The following PSENEN variants were observed in gnomAD, a reference collection of about 807,000 sequenced individuals.
PSENEN encodes gamma-secretase subunit PEN-2.
In PSENEN, 4 loss-of-function variants were observed where a neutral mutation model predicts 15.4. The ratio of observed to expected loss-of-function variants is 0.26; its 90% CI spans 0.13 to 0.59. The LOEUF is 0.59. Among genes scored for constraint, PSENEN ranks in the 20% least tolerant of loss-of-function variants. The probability of loss-of-function intolerance (pLI) is 0.89; values close to 1 mark genes in which losing one functional copy is unlikely to be tolerated. For synonymous variants in PSENEN, 42 were observed against 46.5 expected (o/e 0.90, Z 0.39); for missense variants, 112 against 120.3 (o/e 0.93, Z 0.32).
In PSENEN at chr19:35,746,426, T is replaced by G; in HGVS notation, c.69T>G (p.Phe23Leu). ...GTTTTTCTTTCTCCCTAGGGGGGTTTGCTTTCCTGCCTTTTCTCTGGTTGG... is the reference window on the plus strand; with the variant it reads ...GTTTTTCTTTCTCCCTAGGGGGGTTGGCTTTCCTGCCTTTTCTCTGGTTGG... ...NLCRKYYLGG[F>L]AFLPFLWLVN... Residue 23 changes from phenylalanine to leucine, a missense_variant, in exon 3 of 4, where the codon TTT (phenylalanine) becomes TTG (leucine). Coordinates refer to ENST00000587708, the MANE Select transcript of PSENEN (RefSeq NM_172341.4). 6.2e-7 allele frequency: 1 copy of G among 1,613,536 alleles called. No homozygotes were observed. The highest frequency in any genetic ancestry group is 1.3e-5 in the African/African-American group (1 of 75,028).
intron 2 of PSENEN, 125 bp from the exon 3 acceptor site, chr19:35,746,294 G>C: frequency 1.1e-6 from 1 of 874,174 alleles, no homozygotes; most frequent in Non-Finnish European, 1.9e-6. Flanking sequence ...CCTGACAACA[G>C]AAATCTCCAT....
chr19:35,745,883 T>A lies in PSENEN; in HGVS notation c.-48T>A. 2 of 1,572,288 alleles carry A rather than the reference T, an allele frequency of 1.3e-6. No homozygotes were observed. The highest frequency in any genetic ancestry group is 1.3e-5 in the African/African-American group (1 of 74,250). ...GCATCTGTTACTTAGGGTCAAGGCT[T>A]GGGTCTTGCCCCGCAGACCCTTGGG... On this transcript the variant is annotated 5_prime_UTR_variant, in exon 2 of 4. Transcript: ENST00000587708.
chr19:35,747,213 CTTTTTCT>C lies in PSENEN; in HGVS notation c.*379_*385del, dbSNP rs992424471. 10 of 152,700 alleles carry C rather than the reference CTTTTTCT, an allele frequency of 6.5e-5. No homozygotes were observed. The highest frequency in any genetic ancestry group is 3.2e-3 in the Middle Eastern group (1 of 310). 9.5% of individuals were successfully genotyped at this position (152,700 alleles called of 1,614,324 possible). A position where few individuals can be genotyped will look rare whatever the true frequency, so the allele number is the denominator to read the frequency against. On this transcript the variant is annotated 3_prime_UTR_variant, in exon 4 of 4. Coordinates refer to ENST00000587708, the MANE Select transcript of PSENEN (RefSeq NM_172341.4). ...TAAGAAAGGAATAGTGCTTCCATTT[CTTTTTCT>C]TTTTTCTTTTTTTTTTTTTTTTTTG...
intron 2 of PSENEN, 110 bp downstream of exon 2, chr19:35,746,101 C>T (rs1049537923): frequency 5.4e-6 from 6 of 1,111,414 alleles, no homozygotes; most frequent in Non-Finnish European, 8.1e-6. Flanking sequence ...GAAGGACCTG[C>T]GAACGCCGAC....
rs1970599416 is a variant in PSENEN at position 35,747,081 on chromosome 19, G to A, written c.*234G>A. 1 of 484,714 alleles carries A rather than the reference G, an allele frequency of 2.1e-6. No individual in the cohort carries two copies. Among genetic ancestry groups the A allele is most frequent in the African/African-American group, 2.0e-5 (1 of 51,098 alleles). The allele number at this position is 484,714 out of a possible 1,614,324, so 30.0% of individuals were successfully genotyped here. Reference sequence around the variant, plus strand: ...TTTAAAAACATCTGTTGAGAGCTTTGTACGAGGCTTAGTATTTAGACATGA... The same window carrying A: ...TTTAAAAACATCTGTTGAGAGCTTTATACGAGGCTTAGTATTTAGACATGA... On this transcript the variant is annotated 3_prime_UTR_variant, in exon 4 of 4. Coordinates refer to ENST00000587708, the MANE Select transcript of PSENEN (RefSeq NM_172341.4).
chr19:35,746,926 C>T lies in PSENEN; in HGVS notation c.*79C>T. On this transcript the variant is annotated 3_prime_UTR_variant, in exon 4 of 4. Coordinates refer to ENST00000587708, the MANE Select transcript of PSENEN (RefSeq NM_172341.4). Reference sequence around the variant, plus strand: ...AGCAGAGGAGCCTGTCCTGGGAGCCCCTTCTCAAACTCCTAAGACTTGTTT... The same window carrying T: ...AGCAGAGGAGCCTGTCCTGGGAGCCTCTTCTCAAACTCCTAAGACTTGTTT... 1 of 1,430,364 alleles carries T rather than the reference C, an allele frequency of 7.0e-7. No homozygotes were observed. Among genetic ancestry groups the T allele is most frequent in the East Asian group, 2.4e-5 (1 of 42,426 alleles). The allele number at this position is 1,430,364 out of a possible 1,614,324, so 88.6% of individuals were successfully genotyped here. A position where few individuals can be genotyped will look rare whatever the true frequency, so the allele number is the denominator to read the frequency against.
Position 35,747,478 on chromosome 19 carries a change from T to C in PSENEN, c.*631T>C, listed in dbSNP as rs900878943. On this transcript the variant is annotated 3_prime_UTR_variant, in exon 4 of 4. Transcript: ENST00000587708. ...AGTTTCCCGTTTTCTGAAGGAAGTG[T>C]TGTCTGCAAAAATAAAAATAGTCAA... 6.6e-6 allele frequency: 1 copy of C among 152,074 alleles called. No homozygotes were observed. Among genetic ancestry groups the C allele is most frequent in the Admixed American group, 6.6e-5 (1 of 15,264 alleles). 9.4% of individuals were successfully genotyped at this position (152,074 alleles called of 1,614,324 possible).
Position 35,746,998 on chromosome 19 carries a change from C to CT in PSENEN, c.*154dup. On this transcript the variant is annotated 3_prime_UTR_variant, in exon 4 of 4. Transcript: ENST00000587708. ...GACATCCCCCAATAAAGGACCCTAA[C>CT]TTTCGATACTGACTTCCTGGGATCT... is the stretch of plus-strand genomic sequence containing the variant. The CT allele has an allele frequency of 1.4e-6, 1 of 702,312 alleles. No individual in the cohort carries two copies. Among genetic ancestry groups the CT allele is most frequent in the Non-Finnish European group, 2.3e-6 (1 of 435,440 alleles). The allele number at this position is 702,312 out of a possible 1,614,324, so 43.5% of individuals were successfully genotyped here. A position where few individuals can be genotyped will look rare whatever the true frequency, so the allele number is the denominator to read the frequency against.
At chr19:35,746,344 C>T in intron 2 of PSENEN, 75 bp from the exon 3 acceptor site, 6 of 1,227,122 alleles carry the variant, frequency 4.9e-6, no homozygotes, top group Non-Finnish European at 6.0e-6. Context: ...AAATAGATCT[C>T]GGTGGGAGTT....
rs1032393817 is a variant in PSENEN, at chr19:35,747,034, G to A, written c.*187G>A. 5.2e-6 allele frequency: 3 copies of A among 581,512 alleles called. No homozygotes were observed. The African/African-American group carries it at 5.6e-5, about 11-fold the overall frequency. The allele number at this position is 581,512 out of a possible 1,614,324, so 36.0% of individuals were successfully genotyped here. On this transcript the variant is annotated 3_prime_UTR_variant, in exon 4 of 4. Transcript: ENST00000587708. The stretch of plus-strand genomic sequence containing the variant: ...GACTTCCTGGGATCTTTTAGAGGTT[G>A]AGGCATAAATGATTATTAATATTTA...
Position 35,746,960 on chromosome 19 carries a change from C to A in PSENEN, c.*113C>A. The A allele has an allele frequency of 8.9e-7, 1 of 1,119,254 alleles. No individual in the cohort carries two copies. Among genetic ancestry groups the A allele is most frequent in the Non-Finnish European group, 1.3e-6 (1 of 793,404 alleles). The allele number at this position is 1,119,254 out of a possible 1,614,324, so 69.3% of individuals were successfully genotyped here. A position where few individuals can be genotyped will look rare whatever the true frequency, so the allele number is the denominator to read the frequency against. ...ACTCCTAAGACTTGTTTTCATGTCCCACGTTCTCTGCTGACATCCCCCAAT... is the reference window on the plus strand; with the variant it reads ...ACTCCTAAGACTTGTTTTCATGTCCAACGTTCTCTGCTGACATCCCCCAAT... On this transcript the variant is annotated 3_prime_UTR_variant, in exon 4 of 4. Coordinates refer to ENST00000587708, the MANE Select transcript of PSENEN (RefSeq NM_172341.4).
At position 35,747,226 on chromosome 19, in the gene PSENEN, CTT is replaced by C. The variant is rs36096387; in HGVS notation, c.*396_*397del. 2.6e-3 allele frequency: 337 copies of C among 128,440 alleles called. No individual in the cohort carries two copies. Among genetic ancestry groups the C allele is most frequent in the South Asian group, 0.013 (57 of 4,454 alleles). The allele number at this position is 128,440 out of a possible 1,614,324, so 8.0% of individuals were successfully genotyped here. On this transcript the variant is annotated 3_prime_UTR_variant, in exon 4 of 4. Coordinates refer to ENST00000587708, the MANE Select transcript of PSENEN (RefSeq NM_172341.4). ...GTGCTTCCATTTCTTTTTCTTTTTT[CTT>C]TTTTTTTTTTTTTTTTGAGACAGAG...
Position 35,747,019 on chromosome 19 carries a change from G to A in PSENEN, c.*172G>A, listed in dbSNP as rs993874414. On this transcript the variant is annotated 3_prime_UTR_variant, in exon 4 of 4. Coordinates refer to ENST00000587708, the MANE Select transcript of PSENEN (RefSeq NM_172341.4). ...CTAACTTTCGATACTGACTTCCTGG[G>A]ATCTTTTAGAGGTTGAGGCATAAAT... The A allele has an allele frequency of 3.2e-6, 2 of 617,224 alleles. No individual in the cohort carries two copies. The highest frequency in any genetic ancestry group is 3.7e-5 in the African/African-American group (2 of 53,916). 38.2% of individuals were successfully genotyped at this position (617,224 alleles called of 1,614,324 possible). A position where few individuals can be genotyped will look rare whatever the true frequency, so the allele number is the denominator to read the frequency against.
In PSENEN at chr19:35,746,628, G is replaced by A. The variant is rs780392735; in HGVS notation, c.167-80G>A. 6.0e-5 allele frequency: 96 copies of A among 1,611,578 alleles called. 1 individual carries two copies. In the Middle Eastern group the frequency reaches 8.2e-4, roughly 14 times the overall value. ...GAGGATCCAAAATGTTGGGGCTCTG[G>A]GTGAGAAGGGAAGGCTGGTCTAGGG... On this transcript the variant is annotated intron_variant, in intron 3 of 3. Coordinates refer to ENST00000587708, the MANE Select transcript of PSENEN (RefSeq NM_172341.4).
chr19:35,745,880 G>GCT lies in PSENEN; in HGVS notation c.-50_-49dup. 1 of 1,564,150 alleles carries GCT rather than the reference G, an allele frequency of 6.4e-7. No homozygotes were observed. Among genetic ancestry groups the GCT allele is most frequent in the Non-Finnish European group, 8.8e-7 (1 of 1,134,838 alleles). On this transcript the variant is annotated 5_prime_UTR_variant, in exon 2 of 4. Transcript: ENST00000587708. ...CTTGCATCTGTTACTTAGGGTCAAG[G>GCT]CTTGGGTCTTGCCCCGCAGACCCTT... is the stretch of plus-strand genomic sequence containing the variant.
In PSENEN at chr19:35,746,541, A is replaced by G; in HGVS notation, c.166+18A>G. On this transcript the variant is annotated intron_variant, in intron 3 of 3. Coordinates refer to ENST00000587708, the MANE Select transcript of PSENEN (RefSeq NM_172341.4). ...CAAAGGCTGTGAGTCTAGAGCACAGAGGAGGGAGGCCAGTGGCAGGGGAGA... is the reference window on the plus strand; with the variant it reads ...CAAAGGCTGTGAGTCTAGAGCACAGGGGAGGGAGGCCAGTGGCAGGGGAGA... The G allele has an allele frequency of 6.2e-7, 1 of 1,608,894 alleles. No homozygotes were observed. The highest frequency in any genetic ancestry group is 1.3e-5 in the African/African-American group (1 of 74,880).
rs1970556419 is a variant in PSENEN at position 35,745,976 on chromosome 19, C to T, written c.46C>T (p.Arg16Trp). Residue 16 changes from arginine to tryptophan, a missense_variant, in exon 2 of 4, where the codon CGG (arginine) becomes TGG (tryptophan). By Grantham distance (101) the Arg-to-Trp change is moderately radical. Transcript: ENST00000587708. Reference protein sequence around the residue: ...VSNEEKLNLCRKYYLGGFAFL... With the variant: ...VSNEEKLNLCWKYYLGGFAFL... ...CAATGAGGAGAAATTGAACCTGTGC[C>T]GGAAGTACTACCTGGGTAAGGCAGA... 6.2e-7 allele frequency: 1 copy of T among 1,614,024 alleles called. No homozygotes were observed. Among genetic ancestry groups the T allele is most frequent in the Non-Finnish European group, 8.5e-7 (1 of 1,180,010 alleles).
In PSENEN at chr19:35,746,507, G is replaced by A; in HGVS notation, c.150G>A (p.Gln50=). 1.2e-6 allele frequency: 2 copies of A among 1,613,722 alleles called. No individual in the cohort carries two copies. Among genetic ancestry groups the A allele is most frequent in the Non-Finnish European group, 1.7e-6 (2 of 1,179,772 alleles). ...TCCTTGTCCCAGCCTACACAGAACA[G>A]AGCCAAATCAAAGGCTGTGAGTCTA... ...EAFLVPAYTE[Q]SQIKGYVWRS... Residue 50 remains glutamine (Q), a synonymous_variant, in exon 3 of 4, where the codon CAG becomes CAA. Transcript: ENST00000587708.
rs762615142 is a variant in PSENEN, at chr19:35,746,798, G to A, written c.257G>A (p.Gly86Asp). ...TTCCAGATCTACCGGCCCCGCTGGG[G>A]TGCCCTTGGGGACTACCTCTCCTTC... is the stretch of plus-strand genomic sequence containing the variant. ...TIFQIYRPRW[G>D]ALGDYLSFTI... The change falls in exon 4 of 4, where the codon GGT (glycine) becomes GAT (aspartate). Residue 86 changes from glycine (G) to aspartate (D), a missense_variant. Gly to Asp is a moderately conservative substitution (Grantham distance 94). Transcript: ENST00000587708. The A allele has an allele frequency of 3.1e-6, 5 of 1,613,894 alleles. No homozygotes were observed. In the African/African-American group the frequency reaches 4.0e-5, roughly 13 times the overall value.
Sources: allele counts gnomAD v4.1 joint callset, GRCh38; gene constraint gnomAD v4.1.1; transcripts MANE v1.5; gene names NCBI Gene and HGNC (gene_info 2026-07-23, HGNC 2026-07-21).